MAOA: variants seen among roughly 807,000 people sequenced by gnomAD.
MAOA encodes the protein monoamine oxidase A.
MAOA carries 6 observed loss-of-function variants against 42.0 expected under a neutral mutation model. The observed-to-expected ratio is 0.14, with a 90% confidence interval of 0.08 to 0.28. The LOEUF (loss-of-function observed/expected upper bound fraction) is 0.28. Ranked by LOEUF, MAOA falls within the 10% of genes least tolerant of loss-of-function variation. MAOA has a pLI of 1.00. For synonymous variants in MAOA, 140 were observed against 154.0 expected (o/e 0.91, Z 0.67); for missense variants, 262 against 422.3 (o/e 0.62, Z 3.33).
chrX:43,744,254 G>T (rs1601951571), intron 14 of MAOA, 83 bp downstream of exon 14: 1 of 1,122,731 alleles, frequency 8.9e-7, no homozygotes, highest in Admixed American at 2.2e-5. Flanking sequence ...TCTAGCCTCC[G>T]ATTTAATTAT....
At chrX:43,691,373 CAAAAA>C (rs1309475225) in intron 2 of MAOA, among the ~76,000 whole-genome samples, 5 of 79,991 alleles carry the variant, frequency 6.3e-5, no homozygotes, top group African/African-American at 1.9e-4. Flanking sequence ...GACCCTGTCT[CAAAAA>C]AAAAAAATAA....
At chrX:43,675,039 T>C (rs1456552658) in intron 1 of MAOA, among the ~76,000 whole-genome samples, 1 of 112,029 alleles carries the variant, frequency 8.9e-6, no homozygotes, top group African/African-American at 3.2e-5. Flanking sequence ...TCCTGCAGAG[T>C]GTTTTCCAAC....
chrX:43,727,477 T>A (rs2033848283), intron 5 of MAOA, among the ~76,000 whole-genome samples: 1 of 112,169 alleles, frequency 8.9e-6, no homozygotes, highest in Non-Finnish European at 1.9e-5. Context: ...TAAAACTGCC[T>A]ACTCAAGCCT....
At chrX:43,657,430 C>T (rs2033193570) in intron 1 of MAOA, among the ~76,000 whole-genome samples, 1 of 109,140 alleles carries the variant, frequency 9.2e-6, no homozygotes, top group African/African-American at 3.3e-5. Flanking sequence ...GCTCCCACCA[C>T]CTGAATCTTG....
chrX:43,720,125 T>C (rs1401132189), intron 5 of MAOA, among the ~76,000 whole-genome samples: 1 of 104,430 alleles, frequency 9.6e-6, no homozygotes. Context: ...AGGGGGGAAA[T>C]AGAAAGGTTG....
chrX:43,719,579 AATG>A (rs1490972235), intron 5 of MAOA, among the ~76,000 whole-genome samples: 2 of 110,476 alleles, frequency 1.8e-5, no homozygotes, highest in Non-Finnish European at 3.8e-5. Flanking sequence ...GGTATGACAG[AATG>A]ATATTTTCCA....
chrX:43,660,954 A>ACTTC (rs1236932825), intron 1 of MAOA, among the ~76,000 whole-genome samples: 3 of 112,080 alleles, frequency 2.7e-5, no homozygotes, highest in Non-Finnish European at 5.6e-5. Flanking sequence ...GACAATGTAT[A>ACTTC]CTTCCTTCAT....
In MAOA at chrX:43,731,788, G is replaced by A. The variant is rs780647851; in HGVS notation, c.890G>A (p.Arg297Gln). 3.1e-5 allele frequency: 37 copies of A among 1,205,528 alleles called. No individual in the cohort carries two copies. Among genetic ancestry groups the A allele is most frequent in the Non-Finnish European group, 4.0e-5 (36 of 891,503 alleles). The change falls in exon 8 of 15, where the codon CGG (arginine) becomes CAG (glutamine). Residue 297 changes from arginine to glutamine, a missense_variant. Physicochemically the swap from Arg to Gln is conservative, Grantham distance 43 (BLOSUM62 1). Coordinates refer to ENST00000338702, the MANE Select transcript of MAOA (RefSeq NM_000240.4). ...LPAERNQLIQ[R>Q]LPMGAVIKCM... ...GCAGAGAGAAACCAGTTAATTCAGC[G>A]GCTTCCAATGGGAGCTGTCATTAAG...
rs778063152 is a variant in MAOA at position 43,712,719 on chromosome X, A to C, written c.426A>C (p.Ala142=). ...DNMGKEIPTD[A]PWEAQHADKW... ...TTTCTCTACAGATTCCAACTGATGC[A>C]CCCTGGGAGGCTCAACATGCTGACA... is the stretch of plus-strand genomic sequence containing the variant. Residue 142 remains alanine (A), a synonymous_variant, in exon 5 of 15, where the codon GCA becomes GCC. Coordinates refer to ENST00000338702, the MANE Select transcript of MAOA (RefSeq NM_000240.4). 7.5e-6 allele frequency: 9 copies of C among 1,203,523 alleles called. No homozygotes were observed. In the African/African-American group the frequency reaches 1.6e-4, roughly 21 times the overall value.
At chrX:43,675,840 A>G (rs1261042015) in intron 1 of MAOA, among the ~76,000 whole-genome samples, 1 of 111,806 alleles carries the variant, frequency 8.9e-6, no homozygotes, top group Non-Finnish European at 1.9e-5. Flanking sequence ...GTGAGGTGTC[A>G]GTCTGCCTCT....
At chrX:43,693,780 TACACACAC>T (rs112883967) in intron 3 of MAOA, among the ~76,000 whole-genome samples, 1 of 102,449 alleles carries the variant, frequency 9.8e-6, no homozygotes, top group East Asian at 3.0e-4. Context: ...AACAGACATG[TACACACAC>T]ACACACACAC....
intron 2 of MAOA, among the ~76,000 whole-genome samples, chrX:43,690,961 A>G (rs2033527905): frequency 8.9e-6 from 1 of 111,872 alleles, no homozygotes; most frequent in African/African-American, 3.2e-5. Context: ...GAATAAATCA[A>G]TGATGTAGAA....
At chrX:43,705,176 A>G (rs1363251238) in intron 3 of MAOA, among the ~76,000 whole-genome samples, 2 of 112,114 alleles carry the variant, frequency 1.8e-5, no homozygotes, top group Admixed American at 1.9e-4. Context: ...AATTTGAAGG[A>G]CCCACACTTC....
chrX:43,684,874 C>CTTTTTTTTTTT (rs201207592), intron 2 of MAOA, among the ~76,000 whole-genome samples: 8 of 59,634 alleles, frequency 1.3e-4, no homozygotes, highest in Admixed American at 2.2e-4. Flanking sequence ...CTTTTCTTTT[C>CTTTTTTTTTTT]TTTTTTTTTT....
intron 1 of MAOA, among the ~76,000 whole-genome samples, chrX:43,681,519 GA>G (rs1345079142): frequency 9.1e-6 from 1 of 110,451 alleles, no homozygotes; most frequent in East Asian, 2.8e-4. Context: ...AATTGTTATT[GA>G]AAAAAAATGT....
intron 7 of MAOA, 141 bp from the exon 8 acceptor site, chrX:43,731,553 T>G (rs1378647578): frequency 2.4e-6 from 2 of 841,144 alleles, no homozygotes; most frequent in Admixed American, 5.0e-5. Flanking sequence ...TCTGTTTTGT[T>G]GCCTCACAGT....
At position 43,700,594 on chromosome X, in the gene MAOA, C is replaced by G. The variant is rs767150821; in HGVS notation, c.306+7166C>G. 2.1e-4 allele frequency among the ~76,000 whole-genome samples: 24 copies of G among 112,040 alleles called. 1 individual carries two copies. The highest frequency in any genetic ancestry group is 4.6e-3 in the Middle Eastern group (1 of 217). ...CTGGCCTTCAGTGAGCACCTGGCAGCTAAACAGCCCCCAGTGTGTCCCAGT... is the reference window on the plus strand; with the variant it reads ...CTGGCCTTCAGTGAGCACCTGGCAGGTAAACAGCCCCCAGTGTGTCCCAGT... On this transcript the variant is annotated intron_variant, in intron 3 of 14. Transcript: ENST00000338702.
At chrX:43,657,970 G>A (rs1372702461) in intron 1 of MAOA, 1 of 701,058 alleles carries the variant, frequency 1.4e-6, no homozygotes, top group Non-Finnish European at 1.7e-6. Context: ...CTGGTGGAGA[G>A]TAAGAAAAAG....
chrX:43,721,782 T>C (rs1042642202), intron 5 of MAOA, among the ~76,000 whole-genome samples: 1 of 110,238 alleles, frequency 9.1e-6, no homozygotes, highest in African/African-American at 3.3e-5. Flanking sequence ...GTTGGTTTGC[T>C]ACACCCATCA....
Sources: allele counts gnomAD v4.1 joint callset (sites outside exome capture counted in the v4.1 genomes callset), GRCh38; gene constraint gnomAD v4.1.1; transcripts MANE v1.5; gene names NCBI Gene and HGNC (gene_info 2026-07-23, HGNC 2026-07-21).